The following CENPU variants were observed in gnomAD, a reference collection of about 807,000 sequenced individuals.
The protein encoded by CENPU is KSHV latent nuclear antigen interacting protein 1.
A neutral mutation model predicts 56.7 loss-of-function variants in CENPU; 46 were observed. The observed-to-expected ratio is 0.81, with a 90% confidence interval of 0.64 to 1.04. The LOEUF (loss-of-function observed/expected upper bound fraction) is 1.04, where lower values mean the gene tolerates loss of function less well. Ranked by LOEUF, CENPU falls within the 50% of genes least tolerant of loss-of-function variation. The pLI is 0.00. For synonymous variants in CENPU, 166 were observed against 163.0 expected (o/e 1.02, Z -0.14); for missense variants, 510 against 490.1 (o/e 1.04, Z -0.38).
intron 7 of CENPU, among the ~76,000 whole-genome samples, chr4:184,711,438 C>T (rs1760921444): frequency 6.6e-6 from 1 of 151,312 alleles, no homozygotes; most frequent in Non-Finnish European, 1.5e-5. Context: ...ACTAAAAATC[C>T]TCTTTTAGCT....
chr4:184,710,189 T>A lies in CENPU; in HGVS notation c.689-9A>T. Reference sequence around the variant, plus strand: ...CACAATGTCAGAAGTATCTAAAATATTAAGATAAGTTAACATGCTGGTTAT... The same window carrying A: ...CACAATGTCAGAAGTATCTAAAATAATAAGATAAGTTAACATGCTGGTTAT... On this transcript the variant is annotated splice_polypyrimidine_tract_variant and intron_variant, in intron 7 of 12. Transcript: ENST00000281453. 6.4e-7 allele frequency: 1 copy of A among 1,551,880 alleles called. No homozygotes were observed. The highest frequency in any genetic ancestry group is 1.4e-5 in the African/African-American group (1 of 73,590).
At position 184,698,028 on chromosome 4, in the gene CENPU, A is replaced by G. The variant is rs563951571; in HGVS notation, c.987-225T>C. On this transcript the variant is annotated intron_variant, in intron 11 of 12. Transcript: ENST00000281453. ...CAATGAATAATTAGCAGTGATATCC[A>G]CAGAAGAATATTCCTTATAAATGCT... The G allele has an allele frequency of 2.6e-5, 12 of 460,814 alleles. No homozygotes were observed. In the East Asian group the frequency reaches 4.7e-4, roughly 18 times the overall value. 28.5% of individuals were successfully genotyped at this position (460,814 alleles called of 1,614,324 possible).
intron 5 of CENPU, 112 bp from the exon 6 acceptor site, chr4:184,716,745 C>T (rs1164766190): frequency 7.6e-6 from 6 of 789,924 alleles, no homozygotes; most frequent in African/African-American, 1.8e-5. Flanking sequence ...TTCTACACTT[C>T]AAAATTGAAC....
intron 8 of CENPU, among the ~76,000 whole-genome samples, chr4:184,705,387 CG>C (rs1463523948): frequency 6.6e-6 from 1 of 151,960 alleles, no homozygotes; most frequent in Non-Finnish European, 1.5e-5. Flanking sequence ...AAATGGAGAA[CG>C]GGTTAGTGGT....
At chr4:184,733,528 C>T (rs1761731274) in intron 1 of CENPU, 18 of 494,012 alleles carry the variant, frequency 3.6e-5, no homozygotes, top group South Asian at 7.3e-5. Flanking sequence ...TCGAGCCATC[C>T]TGGAGAACCG....
chr4:184,725,055 A>T lies in CENPU; in HGVS notation c.222T>A (p.Pro74=). 6.2e-7 allele frequency: 1 copy of T among 1,601,494 alleles called. No homozygotes were observed. Among genetic ancestry groups the T allele is most frequent in the Non-Finnish European group, 8.5e-7 (1 of 1,173,600 alleles). Residue 74 remains proline (P), a synonymous_variant, in exon 4 of 13, where the codon CCT becomes CCA. Coordinates refer to ENST00000281453, the MANE Select transcript of CENPU (RefSeq NM_024629.4). ...CAGCATATATAGCTGTGCTATGTAA[A>T]GGAGGATCTTTCAAAAGACAAAAAA... ...DEETYETFDP[P]LHSTAIYADE...
chr4:184,709,794 T>TA lies in CENPU; in HGVS notation c.797+277dup, dbSNP rs546422536. ...AGGTCATGAAGAAAGCCTCAAAATT[T>TA]AAAAAAAAAAAAAGGTATCACTGGA... On this transcript the variant is annotated intron_variant, in intron 8 of 12. Transcript: ENST00000281453. Among the ~76,000 whole-genome samples, 1,276 of 137,084 alleles carry TA rather than the reference T, an allele frequency of 9.3e-3. 8 individuals are homozygous for TA. The highest frequency in any genetic ancestry group is 0.017 in the South Asian group (73 of 4,394). The allele number at this position is 137,084 out of a possible 152,430, so 89.9% of individuals were successfully genotyped here. A position where few individuals can be genotyped will look rare whatever the true frequency, so the allele number is the denominator to read the frequency against.
chr4:184,722,165 G>A (rs1329941372), intron 4 of CENPU, among the ~76,000 whole-genome samples: 3 of 152,016 alleles, frequency 2.0e-5, no homozygotes, highest in African/African-American at 4.8e-5. Flanking sequence ...AGATTAAGAA[G>A]GAAGCTGAAA....
intron 11 of CENPU, among the ~76,000 whole-genome samples, chr4:184,698,507 G>T (rs1320671412): frequency 6.6e-6 from 1 of 152,130 alleles, no homozygotes; most frequent in South Asian, 2.1e-4. Flanking sequence ...TGGGAGTGCA[G>T]TGGCGTGATC....
intron 4 of CENPU, 135 bp downstream of exon 4, chr4:184,724,822 G>C: frequency 1.7e-6 from 1 of 575,362 alleles, no homozygotes; most frequent in Non-Finnish European, 3.1e-6. Flanking sequence ...TTATGCCTCA[G>C]TTCTCTTGAG....
intron 7 of CENPU, 48 bp downstream of exon 7, chr4:184,712,896 T>C (rs936852912): frequency 2.9e-5 from 37 of 1,273,038 alleles, no homozygotes; most frequent in Non-Finnish European, 3.8e-5. Context: ...CTTATTTCTC[T>C]TATGAAATTC....
intron 12 of CENPU, 132 bp downstream of exon 12, chr4:184,697,515 G>A (rs1201921046): frequency 1.2e-6 from 1 of 821,612 alleles, no homozygotes; most frequent in Non-Finnish European, 1.9e-6. Flanking sequence ...GGCTTATAGT[G>A]ATACTATTTT....
At chr4:184,702,508 C>A in intron 8 of CENPU, 67 bp from the exon 9 acceptor site, 6 of 1,154,376 alleles carry the variant, frequency 5.2e-6, no homozygotes, top group Non-Finnish European at 7.5e-6. Flanking sequence ...ATTTGCTTAG[C>A]ATACAAACAA....
At chr4:184,710,384 T>A (rs1034312635) in intron 7 of CENPU, 7 of 376,714 alleles carry the variant, frequency 1.9e-5, no homozygotes, top group African/African-American at 1.5e-4. Context: ...CTAACTGCTG[T>A]CTCGCTGGTT....
Position 184,728,999 on chromosome 4 carries a change from C to T in CENPU, c.133G>A (p.Asp45Asn), listed in dbSNP as rs370306626. The change falls in exon 3 of 13, where the codon GAC becomes AAC. Residue 45 changes from aspartate (D) to asparagine (N), a missense_variant. By Grantham distance (23) the Asp-to-Asn change is conservative. Coordinates refer to ENST00000281453, the MANE Select transcript of CENPU (RefSeq NM_024629.4). ...GAGACATCAGAATTATCAGGAAAGT[C>T]GAACACGTCAATAGGCTTGCACTTT... Reference protein sequence around the residue: ...GQKCKPIDVFDFPDNSDVSSI... With the variant: ...GQKCKPIDVFNFPDNSDVSSI... The T allele has an allele frequency of 6.2e-6, 10 of 1,613,944 alleles. No individual in the cohort carries two copies. Among genetic ancestry groups the T allele is most frequent in the Middle Eastern group, 1.6e-4 (1 of 6,082 alleles).
chr4:184,718,624 G>A (rs979290585), intron 4 of CENPU, among the ~76,000 whole-genome samples: 1 of 152,230 alleles, frequency 6.6e-6, no homozygotes, highest in Non-Finnish European at 1.5e-5. Flanking sequence ...GCTGGTGAGA[G>A]TGAGGTCCCC....
At chr4:184,710,501 T>A (rs993474754) in intron 7 of CENPU, 33 of 187,662 alleles carry the variant, frequency 1.8e-4, no homozygotes, top group Non-Finnish European at 3.4e-4. Context: ...GATAAGCTCT[T>A]CATTGTTAGC....
At chr4:184,697,976 G>C in intron 11 of CENPU, 173 bp from the exon 12 acceptor site, 1 of 547,554 alleles carries the variant, frequency 1.8e-6, no homozygotes, top group South Asian at 2.6e-5. Flanking sequence ...TAAAATGTAG[G>C]AAAAAAAATC....
At chr4:184,696,460 C>A (rs1230229870) in intron 12 of CENPU, among the ~76,000 whole-genome samples, 1 of 152,108 alleles carries the variant, frequency 6.6e-6, no homozygotes, top group Non-Finnish European at 1.5e-5. Flanking sequence ...TATGTTCAAG[C>A]TGAATCAATG....
Sources: gnomAD v4.1 joint callset for allele counts (sites outside exome capture counted in the v4.1 genomes callset) on GRCh38, gnomAD v4.1.1 for gene constraint, MANE v1.5 for transcripts, NCBI Gene and HGNC (gene_info 2026-07-23, HGNC 2026-07-21) for gene names.